Variants in TRPC5 observed in about 807,000 individuals in gnomAD.
TRPC5 encodes the protein short transient receptor potential channel 5.
TRPC5 carries 9 observed loss-of-function variants against 56.5 expected under a neutral mutation model. The observed-to-expected ratio is 0.16, with a 90% CI of 0.10 to 0.28. TRPC5 has a LOEUF of 0.28. Ranked by LOEUF, TRPC5 falls within the 10% of genes least tolerant of loss-of-function variation. The pLI is 1.00. For missense variants in TRPC5, 469 were observed against 748.9 expected (o/e 0.63, Z 4.36); for synonymous variants, 282 against 278.5 (o/e 1.01, Z -0.13).
chrX:111,825,127 T>TTTCCTTCC lies in TRPC5; in HGVS notation c.1896+9786_1896+9793dup, dbSNP rs1161308680. On this transcript the variant is annotated intron_variant, in intron 7 of 10. Coordinates refer to ENST00000262839, the MANE Select transcript of TRPC5 (RefSeq NM_012471.3). ...TTTTCTCTTTCTTTCTTTTCTTTCT[T>TTTCCTTCC]TTCCTTCCTTCCTTCCTTCCTTTCT... Among the ~76,000 whole-genome samples, 365 of 86,810 alleles carry TTTCCTTCC rather than the reference T, an allele frequency of 4.2e-3. 22 individuals carry two copies. The highest frequency in any genetic ancestry group is 0.025 in the African/African-American group (339 of 13,387). The allele number at this position is 86,810 out of a possible 115,157, so 75.4% of individuals were successfully genotyped here.
At chrX:111,963,264 T>C (rs1927445013) in intron 1 of TRPC5, among the ~76,000 whole-genome samples, 3 of 112,186 alleles carry the variant, frequency 2.7e-5, no homozygotes, top group South Asian at 3.7e-4. Flanking sequence ...AAGGTGGCAG[T>C]GAGGCTGGGG....
chrX:111,818,210 T>C (rs1173795658), intron 7 of TRPC5, among the ~76,000 whole-genome samples: 1 of 112,194 alleles, frequency 8.9e-6, no homozygotes, highest in Non-Finnish European at 1.9e-5. Flanking sequence ...TTCAATTATT[T>C]TTTTCCTAAA....
In TRPC5 at chrX:111,912,707, C is replaced by T; in HGVS notation, c.484G>A (p.Val162Ile). 8.3e-7 allele frequency: 1 copy of T among 1,210,405 alleles called. No homozygotes were observed. Among genetic ancestry groups the T allele is most frequent in the Non-Finnish European group, 1.1e-6 (1 of 895,489 alleles). ...CGTGGGATAGTGACCCGTTTTTGGA[C>T]AAGCAATTTGATGATTTCGTAGTTG... is the stretch of plus-strand genomic sequence containing the variant. ...TNNYEIIKLLVQKRVTIPRPH... is the reference protein window; with the variant it reads ...TNNYEIIKLLIQKRVTIPRPH... The change falls in exon 3 of 11, where the codon GTC becomes ATC. Residue 162 changes from valine (V) to isoleucine (I), a missense_variant. Coordinates refer to ENST00000262839, the MANE Select transcript of TRPC5 (RefSeq NM_012471.3).
intron 7 of TRPC5, among the ~76,000 whole-genome samples, chrX:111,791,109 G>T (rs12389252): frequency 1.1e-5 from 1 of 94,286 alleles, no homozygotes. Context: ...CCCACCTTTA[G>T]AACTCCCCAC....
At chrX:111,912,244 T>C (rs1473721173) in intron 3 of TRPC5, 47 bp downstream of exon 3, 1 of 1,140,689 alleles carries the variant, frequency 8.8e-7, no homozygotes, top group Non-Finnish European at 1.2e-6. Flanking sequence ...TGCTCCAGAC[T>C]TTGGAGGCTT....
intron 3 of TRPC5, among the ~76,000 whole-genome samples, chrX:111,882,262 T>C (rs1287469803): frequency 4.5e-5 from 5 of 110,764 alleles, no homozygotes; most frequent in Non-Finnish European, 9.4e-5. Context: ...GGAGTGTCAA[T>C]TCAGGGGTTG....
At chrX:111,867,634 A>G (rs1184947065) in intron 3 of TRPC5, among the ~76,000 whole-genome samples, 2 of 111,810 alleles carry the variant, frequency 1.8e-5, no homozygotes, top group African/African-American at 3.3e-5. Context: ...ACACTTCTAT[A>G]TATGTCATTT....
intron 1 of TRPC5, among the ~76,000 whole-genome samples, chrX:112,011,787 C>T (rs747106373): frequency 1.8e-5 from 2 of 112,006 alleles, no homozygotes; most frequent in Admixed American, 1.9e-4. Flanking sequence ...CCTCCCTGCA[C>T]TGCACATTTT....
intron 3 of TRPC5, among the ~76,000 whole-genome samples, chrX:111,911,344 TC>T (rs1925811576): frequency 8.9e-6 from 1 of 112,092 alleles, no homozygotes; most frequent in African/African-American, 3.2e-5. Flanking sequence ...TTTCCCACAA[TC>T]CCCTATGAAG....
At chrX:111,946,513 A>C (rs774213142) in intron 2 of TRPC5, among the ~76,000 whole-genome samples, 1 of 111,731 alleles carries the variant, frequency 9.0e-6, no homozygotes, top group Non-Finnish European at 1.9e-5. Context: ...CACTTTCAAA[A>C]CTCAGACAGA....
At chrX:111,949,621 T>G (rs2148637329) in intron 2 of TRPC5, among the ~76,000 whole-genome samples, 1 of 111,497 alleles carries the variant, frequency 9.0e-6, no homozygotes, top group Non-Finnish European at 1.9e-5. Context: ...ATCAGGGAAA[T>G]GCAAATCAAA....
chrX:112,000,434 A>G (rs930749671), intron 1 of TRPC5, among the ~76,000 whole-genome samples: 1 of 112,067 alleles, frequency 8.9e-6, no homozygotes, highest in African/African-American at 3.2e-5. Context: ...TGAGTAGATG[A>G]TCTGGACAGG....
At chrX:111,886,350 A>T (rs972239851) in intron 3 of TRPC5, among the ~76,000 whole-genome samples, 2 of 112,571 alleles carry the variant, frequency 1.8e-5, no homozygotes, top group African/African-American at 6.5e-5. Flanking sequence ...GTACATACCC[A>T]TGTAGCCAAG....
intron 1 of TRPC5, among the ~76,000 whole-genome samples, chrX:111,957,079 A>G (rs767874400): frequency 2.7e-5 from 3 of 112,231 alleles, no homozygotes; most frequent in Admixed American, 9.5e-5. Context: ...AGTCATTCTT[A>G]TTAGATACTT....
At chrX:111,950,273 C>T (rs1439318356) in intron 2 of TRPC5, among the ~76,000 whole-genome samples, 2 of 109,299 alleles carry the variant, frequency 1.8e-5, no homozygotes, top group South Asian at 4.0e-4. Flanking sequence ...TGCAGTGAGC[C>T]GAGATCGCAC....
At chrX:111,932,030 C>T (rs1369880088) in intron 2 of TRPC5, among the ~76,000 whole-genome samples, 3 of 111,350 alleles carry the variant, frequency 2.7e-5, no homozygotes, top group African/African-American at 9.8e-5. Flanking sequence ...AAATCATGGG[C>T]CTTTGACAGA....
At chrX:111,792,108 C>A (rs897403284) in intron 7 of TRPC5, among the ~76,000 whole-genome samples, 8 of 112,007 alleles carry the variant, frequency 7.1e-5, no homozygotes, top group Non-Finnish European at 1.5e-4. Flanking sequence ...ACATATACAC[C>A]ATGGAATACT....
intron 3 of TRPC5, chrX:111,902,233 C>A: frequency 2.3e-6 from 2 of 853,678 alleles, no homozygotes; most frequent in African/African-American, 2.0e-5. Flanking sequence ...CTGATCATTT[C>A]TCTGTTTTAA....
chrX:111,907,361 T>C (rs1925664700), intron 3 of TRPC5, among the ~76,000 whole-genome samples: 1 of 111,440 alleles, frequency 9.0e-6, no homozygotes, highest in African/African-American at 3.3e-5. Flanking sequence ...GCGCGGTGGC[T>C]CATCCCTATA....
Sources: allele counts gnomAD v4.1 joint callset (sites outside exome capture counted in the v4.1 genomes callset), GRCh38; gene constraint gnomAD v4.1.1; transcripts MANE v1.5; gene names NCBI Gene and HGNC (gene_info 2026-07-23, HGNC 2026-07-21).